Variants in ADAMTSL3 observed in about 807,000 individuals in gnomAD.
The protein encoded by ADAMTSL3 is ADAMTS like 3.
ADAMTSL3 carries 128 observed loss-of-function variants against 201.7 expected under a neutral mutation model. The ratio of observed to expected loss-of-function variants is 0.63; its 90% CI spans 0.55 to 0.73. ADAMTSL3 has a LOEUF of 0.73. ADAMTSL3 is among the 30% of genes least tolerant of loss of function. The pLI, the probability that ADAMTSL3 is intolerant of heterozygous loss-of-function variation, is 0.00. For synonymous variants in ADAMTSL3, 738 were observed against 748.4 expected, an observed-to-expected ratio of 0.99 and a Z score of 0.23; for missense variants, 1,990 against 2,119.6, an observed-to-expected ratio of 0.94 and a Z score of 1.20.
chr15:83,819,149 AG>A (rs1304085330), intron 5 of ADAMTSL3, among the ~76,000 whole-genome samples: 19 of 151,456 alleles, frequency 1.3e-4, no homozygotes, highest in Admixed American at 7.9e-4. Context: ...GGGCGCCTGT[AG>A]TCCCAGCTAC....
chr15:83,732,756 C>T (rs1239006360), intron 3 of ADAMTSL3, among the ~76,000 whole-genome samples: 1 of 152,124 alleles, frequency 6.6e-6, no homozygotes, highest in African/African-American at 2.4e-5. Flanking sequence ...TATCTTTCTA[C>T]CTCATACACA....
At position 83,982,897 on chromosome 15, in the gene ADAMTSL3, G is replaced by T; in HGVS notation, c.3269G>T (p.Ser1090Ile). The T allele has an allele frequency of 1.2e-6, 2 of 1,614,030 alleles. No individual in the cohort carries two copies. The highest frequency in any genetic ancestry group is 1.7e-6 in the Non-Finnish European group (2 of 1,180,032). The change falls in exon 21 of 30, where the codon AGC (serine) becomes ATC (isoleucine). Residue 1090 changes from serine (S) to isoleucine (I), a missense_variant. Coordinates refer to ENST00000286744, the MANE Select transcript of ADAMTSL3 (RefSeq NM_207517.3). ...FEAAVKQGAY[S>I]MDTAQFDELI... ...GCAGCAGTTAAACAAGGAGCATATA[G>T]CATGGATACAGCCCAGTTTGATGAG...
chr15:83,806,901 GAA>G (rs1307382957), intron 5 of ADAMTSL3, among the ~76,000 whole-genome samples: 1 of 152,058 alleles, frequency 6.6e-6, no homozygotes, highest in Non-Finnish European at 1.5e-5. Context: ...AGAAACTTTA[GAA>G]AGCAAAGAAA....
At chr15:83,824,196 A>T (rs137899485) in intron 6 of ADAMTSL3, among the ~76,000 whole-genome samples, 1 of 151,860 alleles carries the variant, frequency 6.6e-6, no homozygotes, top group East Asian at 1.9e-4. Context: ...GGCATGTGCC[A>T]TCACGCTCAG....
intron 6 of ADAMTSL3, among the ~76,000 whole-genome samples, chr15:83,823,893 CTCTTCTTCT>C (rs759090787): frequency 0.038 from 3,531 of 92,726 alleles, 78 homozygotes; most frequent in Non-Finnish European, 0.043. Context: ...CTTCTTCTTC[CTCTTCTTCT>C]TCTTCTTCTT....
intron 2 of ADAMTSL3, among the ~76,000 whole-genome samples, chr15:83,683,457 A>G (rs1015114214): frequency 1.3e-5 from 2 of 152,070 alleles, no homozygotes; most frequent in African/African-American, 2.4e-5. Flanking sequence ...TCATGTAATT[A>G]TTTCTACACA....
At chr15:83,814,640 GA>G (rs2141893001) in intron 5 of ADAMTSL3, among the ~76,000 whole-genome samples, 1 of 152,238 alleles carries the variant, frequency 6.6e-6, no homozygotes, top group African/African-American at 2.4e-5. Context: ...TTTTATGCTA[GA>G]AATGTTGTCA....
intron 10 of ADAMTSL3, among the ~76,000 whole-genome samples, chr15:83,885,765 C>T (rs1438452189): frequency 6.6e-6 from 1 of 151,998 alleles, no homozygotes; most frequent in African/African-American, 2.4e-5. Flanking sequence ...CGCTCTGTCG[C>T]CCAGGCTGGA....
Position 83,801,645 on chromosome 15 carries a change from AATATAAATATATATATATAT to A in ADAMTSL3, c.318-2999_318-2980del, listed in dbSNP as rs1418088312. Among the ~76,000 whole-genome samples, 124 of 43,890 alleles carry A rather than the reference AATATAAATATATATATATAT, an allele frequency of 2.8e-3. 3 individuals are homozygous for A. The highest frequency in any genetic ancestry group is 4.7e-3 in the Non-Finnish European group (98 of 20,960). The allele number at this position is 43,890 out of a possible 152,430, so 28.8% of individuals were successfully genotyped here. The stretch of plus-strand genomic sequence containing the variant: ...GAAATTTTATATATATAAATATATA[AATATAAATATATATATATAT>A]ATATATATATATATATATATATATA... On this transcript the variant is annotated intron_variant, in intron 4 of 29. Transcript: ENST00000286744.
chr15:83,846,891 T>C (rs1415179071), intron 7 of ADAMTSL3, among the ~76,000 whole-genome samples: 1 of 152,214 alleles, frequency 6.6e-6, no homozygotes, highest in Non-Finnish European at 1.5e-5. Context: ...TGGACAGATA[T>C]TTGTTATTAG....
chr15:83,688,961 A>G (rs1196114626), intron 2 of ADAMTSL3, among the ~76,000 whole-genome samples: 1 of 151,954 alleles, frequency 6.6e-6, no homozygotes, highest in South Asian at 2.1e-4. Flanking sequence ...GGTGTGTGCC[A>G]CCACAGCAGG....
chr15:83,738,063 ATAAT>A (rs1028086108), intron 3 of ADAMTSL3, among the ~76,000 whole-genome samples: 3 of 152,352 alleles, frequency 2.0e-5, no homozygotes, highest in Admixed American at 1.3e-4. Context: ...TGTCTCCGAA[ATAAT>A]TAATCCAGAG....
At chr15:83,804,005 C>T (rs1386530781) in intron 4 of ADAMTSL3, among the ~76,000 whole-genome samples, 3 of 151,880 alleles carry the variant, frequency 2.0e-5, no homozygotes, top group African/African-American at 2.4e-5. Context: ...TAGCCAGGCA[C>T]GGGGGTGTGC....
chr15:84,036,757 T>C lies in ADAMTSL3; in HGVS notation c.4755-16T>C. 1.3e-6 allele frequency: 2 copies of C among 1,587,870 alleles called. No individual in the cohort carries two copies. Among genetic ancestry groups the C allele is most frequent in the East Asian group, 4.5e-5 (2 of 44,496 alleles). On this transcript the variant is annotated splice_polypyrimidine_tract_variant and intron_variant, in intron 28 of 29. Transcript: ENST00000286744. Reference sequence around the variant, plus strand: ...CTATTTTTTGTTTTTCCGTTTTGTTTTATTTTTCACTTCAGACCCACCTTA... The same window carrying C: ...CTATTTTTTGTTTTTCCGTTTTGTTCTATTTTTCACTTCAGACCCACCTTA...
At chr15:83,824,902 G>C (rs1286305904) in intron 6 of ADAMTSL3, 5 of 151,878 alleles carry the variant, frequency 3.3e-5, no homozygotes, top group African/African-American at 1.2e-4. Context: ...TGTCATCTTG[G>C]CGCAGGGGCC....
chr15:83,951,867 A>G (rs2066765122), intron 19 of ADAMTSL3, among the ~76,000 whole-genome samples: 1 of 151,980 alleles, frequency 6.6e-6, no homozygotes, highest in Admixed American at 6.6e-5. Context: ...CTTCTTTTCC[A>G]TCTCTGATTT....
intron 15 of ADAMTSL3, among the ~76,000 whole-genome samples, chr15:83,904,299 A>C (rs1326480732): frequency 7.9e-5 from 12 of 151,818 alleles, no homozygotes. Context: ...TTTTCCTGCC[A>C]CCACTTCTGA....
chr15:83,759,985 G>A (rs1472575702), intron 3 of ADAMTSL3, among the ~76,000 whole-genome samples: 1 of 151,904 alleles, frequency 6.6e-6, no homozygotes, highest in Non-Finnish European at 1.5e-5. Context: ...GTCTTGCCAA[G>A]GAATTTAATT....
At chr15:83,817,179 C>A (rs1026993268) in intron 5 of ADAMTSL3, among the ~76,000 whole-genome samples, 5 of 152,192 alleles carry the variant, frequency 3.3e-5, no homozygotes, top group African/African-American at 1.2e-4. Flanking sequence ...TATTCCCTAT[C>A]TACTTCCAAA....
Sources: gnomAD v4.1 joint callset for allele counts (sites outside exome capture counted in the v4.1 genomes callset) on GRCh38, gnomAD v4.1.1 for gene constraint, MANE v1.5 for transcripts, NCBI Gene and HGNC (gene_info 2026-07-23, HGNC 2026-07-21) for gene names.